PAPSS1: variants seen among roughly 807,000 people sequenced by gnomAD.
PAPSS1 encodes the protein 3'-phosphoadenosine 5'-phosphosulfate synthase 1.
In PAPSS1, 50 loss-of-function variants were observed where a neutral mutation model predicts 72.0. The ratio of observed to expected loss-of-function variants is 0.69; its 90% CI spans 0.55 to 0.88. PAPSS1 has a LOEUF of 0.88. PAPSS1 is among the 40% of genes least tolerant of loss of function. The pLI, the probability that PAPSS1 is intolerant of heterozygous loss-of-function variation, is 0.00. For missense variants in PAPSS1, 657 were observed against 782.2 expected, an observed-to-expected ratio of 0.84 and a Z score of 1.91; for synonymous variants, 261 against 263.6, an observed-to-expected ratio of 0.99 and a Z score of 0.09.
rs763104510 is a variant in PAPSS1, at chr4:107,631,654, A to G, written c.1713T>C (p.Arg571=). The G allele has an allele frequency of 5.0e-6, 8 of 1,613,360 alleles. No homozygotes were observed. In the South Asian group the frequency reaches 8.8e-5, roughly 18 times the overall value. ...ACTGTTCAGAGTCATAGTAGTCCAT[A>G]CGCTTCTTTTTCTTGTTGTAAGCTG... ...RVAAYNKKKK[R]MDYYDSEHHE... Residue 571 remains arginine (R), a synonymous_variant, in exon 11 of 12, where the codon CGT becomes CGC. Transcript: ENST00000265174.
intron 5 of PAPSS1, among the ~76,000 whole-genome samples, chr4:107,661,472 T>C (rs569512414): frequency 6.6e-6 from 1 of 152,276 alleles, no homozygotes; most frequent in Admixed American, 6.5e-5. Flanking sequence ...AAACAAACTG[T>C]AGAACATCTA....
At chr4:107,694,054 T>C (rs375121143) in intron 2 of PAPSS1, 48 bp from the exon 3 acceptor site, 15 of 1,330,328 alleles carry the variant, frequency 1.1e-5, no homozygotes, top group Non-Finnish European at 1.6e-5. Context: ...GTTAGAAGGA[T>C]AACTATGTAG....
chr4:107,650,037 G>T (rs916571031), intron 9 of PAPSS1, among the ~76,000 whole-genome samples: 1 of 152,234 alleles, frequency 6.6e-6, no homozygotes, highest in Non-Finnish European at 1.5e-5. Context: ...CAGCCAAACT[G>T]ATAGTGCTGT....
chr4:107,712,702 G>A (rs893344611), intron 1 of PAPSS1, among the ~76,000 whole-genome samples: 1 of 151,754 alleles, frequency 6.6e-6, no homozygotes, highest in Admixed American at 6.6e-5. Flanking sequence ...GTGAAACCCC[G>A]TCTCTGCTCA....
chr4:107,627,758 T>C (rs1726135313), intron 11 of PAPSS1, among the ~76,000 whole-genome samples: 1 of 152,160 alleles, frequency 6.6e-6, no homozygotes, highest in Admixed American at 6.5e-5. Context: ...TAAGGCATCC[T>C]TTTGGTAGAA....
chr4:107,710,011 T>A (rs1478930889), intron 1 of PAPSS1, among the ~76,000 whole-genome samples: 1 of 152,168 alleles, frequency 6.6e-6, no homozygotes, highest in African/African-American at 2.4e-5. Flanking sequence ...AGGCCTGAAT[T>A]TTTAGACTCC....
At position 107,618,373 on chromosome 4, in the gene PAPSS1, AT is replaced by A. The variant is rs749711217; in HGVS notation, c.1737-3987del. On this transcript the variant is annotated intron_variant, in intron 11 of 11. Coordinates refer to ENST00000265174, the MANE Select transcript of PAPSS1 (RefSeq NM_005443.5). Reference sequence around the variant, plus strand: ...AGATACACAATGGAGTTGAGATGTGATTTTTTTTTTTTTTTAAGGAAACGAG... The same window carrying A: ...AGATACACAATGGAGTTGAGATGTGATTTTTTTTTTTTTTAAGGAAACGAG... 7.0e-3 allele frequency among the ~76,000 whole-genome samples: 999 copies of A among 143,512 alleles called. 7 individuals carry two copies. The highest frequency in any genetic ancestry group is 0.014 in the African/African-American group (553 of 39,496). 94.1% of individuals were successfully genotyped at this position (143,512 alleles called of 152,430 possible). A position where few individuals can be genotyped will look rare whatever the true frequency, so the allele number is the denominator to read the frequency against.
intron 1 of PAPSS1, among the ~76,000 whole-genome samples, chr4:107,707,863 A>T (rs188485522): frequency 6.6e-6 from 1 of 152,292 alleles, no homozygotes; most frequent in East Asian, 1.9e-4. Flanking sequence ...CACAGATTTG[A>T]CTTTTAAGGA....
chr4:107,661,458 G>A (rs1727180193), intron 5 of PAPSS1, among the ~76,000 whole-genome samples: 1 of 152,120 alleles, frequency 6.6e-6, no homozygotes, highest in Non-Finnish European at 1.5e-5. Flanking sequence ...TTTAGTAGGT[G>A]AATAAACAAA....
At chr4:107,719,862 A>C (rs2125946686) in intron 1 of PAPSS1, 2 of 1,342,356 alleles carry the variant, frequency 1.5e-6, no homozygotes, top group Non-Finnish European at 1.9e-6. Context: ...GGCGCTGGGG[A>C]GGGGGGGCGT....
intron 5 of PAPSS1, among the ~76,000 whole-genome samples, chr4:107,661,152 T>C (rs1440876505): frequency 1.3e-5 from 2 of 152,118 alleles, no homozygotes; most frequent in East Asian, 3.9e-4. Context: ...CAAAACAAGA[T>C]AGCACAACAT....
intron 9 of PAPSS1, among the ~76,000 whole-genome samples, chr4:107,650,759 G>A (rs1726817674): frequency 6.6e-6 from 1 of 152,038 alleles, no homozygotes; most frequent in African/African-American, 2.4e-5. Context: ...GAAACTCACA[G>A]TATAAGGACA....
intron 5 of PAPSS1, among the ~76,000 whole-genome samples, chr4:107,676,638 C>A (rs1464019716): frequency 6.6e-6 from 1 of 152,078 alleles, no homozygotes; most frequent in Non-Finnish European, 1.5e-5. Context: ...CAATGCCATC[C>A]CCATCAGGCT....
At chr4:107,657,495 GCAGATCACCTGACCTCAGGAGCTCAAGAC>G (rs1237147864) in intron 6 of PAPSS1, among the ~76,000 whole-genome samples, 1 of 152,114 alleles carries the variant, frequency 6.6e-6, no homozygotes, top group Non-Finnish European at 1.5e-5. Flanking sequence ...AACAAAGCAG[GCAGATCACCTGACCTCAGGAGCTCAAGAC>G]CAGCCTGGCC....
intron 10 of PAPSS1, among the ~76,000 whole-genome samples, chr4:107,638,873 C>A (rs1726458299): frequency 6.6e-6 from 1 of 152,062 alleles, no homozygotes. Context: ...TCCTGTTTTA[C>A]AAATAAGAAA....
intron 1 of PAPSS1, among the ~76,000 whole-genome samples, chr4:107,718,949 G>C (rs1040953112): frequency 1.3e-5 from 2 of 152,154 alleles, no homozygotes; most frequent in Non-Finnish European, 2.9e-5. Flanking sequence ...GTTCGAAAAA[G>C]TAAAGTGACT....
chr4:107,697,902 A>G (rs1436929525), intron 2 of PAPSS1, among the ~76,000 whole-genome samples: 1 of 152,192 alleles, frequency 6.6e-6, no homozygotes, highest in Non-Finnish European at 1.5e-5. Flanking sequence ...TTACAAGGCT[A>G]TAAGACAAAA....
chr4:107,639,492 C>A (rs1336517165), intron 10 of PAPSS1, among the ~76,000 whole-genome samples: 1 of 152,114 alleles, frequency 6.6e-6, no homozygotes, highest in Non-Finnish European at 1.5e-5. Context: ...ATTTACTTTG[C>A]TACAGGAATA....
intron 1 of PAPSS1, among the ~76,000 whole-genome samples, chr4:107,707,456 T>C (rs533512332): frequency 1.3e-5 from 2 of 152,254 alleles, no homozygotes; most frequent in East Asian, 1.9e-4. Context: ...CAGGGTAGGC[T>C]TGGACGCTCA....
Sources: gnomAD v4.1 joint callset for allele counts (sites outside exome capture counted in the v4.1 genomes callset) on GRCh38, gnomAD v4.1.1 for gene constraint, MANE v1.5 for transcripts, NCBI Gene and HGNC (gene_info 2026-07-23, HGNC 2026-07-21) for gene names.